ECPAS: variants seen among roughly 807,000 people sequenced by gnomAD.
ECPAS encodes the protein proteasome adapter and scaffold protein ECM29.
A neutral mutation model predicts 255.1 loss-of-function variants in ECPAS; 70 were observed. The observed-to-expected ratio is 0.27, with a 90% confidence interval of 0.23 to 0.33. The LOEUF is 0.33. Ranked by LOEUF, ECPAS falls within the 10% of genes least tolerant of loss-of-function variation. The pLI is 1.00. For synonymous variants in ECPAS, 784 were observed against 775.0 expected (o/e 1.01, Z -0.19); for missense variants, 1,817 against 2,206.4 (o/e 0.82, Z 3.54).
In ECPAS at chr9:111,377,992, A is replaced by C. The variant is rs1263855924; in HGVS notation, c.3954+588T>G. Among the ~76,000 whole-genome samples the C allele has an allele frequency of 3.3e-5, 5 of 151,936 alleles. No individual in the cohort carries two copies. In the East Asian group the frequency reaches 9.7e-4, roughly 29 times the overall value. ...AAACCCTGTCTCTACTAAAAATACA[A>C]AAAATCAGCTGGGTGTGGTGGCGCT... On this transcript the variant is annotated intron_variant, in intron 36 of 49. Coordinates refer to ENST00000684092, the MANE Select transcript of ECPAS (RefSeq NM_001364929.1).
rs1026133951 is a variant in ECPAS at position 111,444,577 on chromosome 9, T to C, written c.154-83A>G. Reference sequence around the variant, plus strand: ...CTTAAAATTCATTTATCAGATGTTATCTATGTTAGTGAATAGTAGCTACTT... The same window carrying C: ...CTTAAAATTCATTTATCAGATGTTACCTATGTTAGTGAATAGTAGCTACTT... On this transcript the variant is annotated intron_variant, in intron 3 of 49. Coordinates refer to ENST00000684092, the MANE Select transcript of ECPAS (RefSeq NM_001364929.1). The C allele has an allele frequency of 6.2e-5, 56 of 904,550 alleles. 1 individual carries two copies. In the Admixed American group the frequency reaches 1.2e-3, roughly 20 times the overall value. The allele number at this position is 904,550 out of a possible 1,614,324, so 56.0% of individuals were successfully genotyped here. A position where few individuals can be genotyped will look rare whatever the true frequency, so the allele number is the denominator to read the frequency against.
intron 2 of ECPAS, among the ~76,000 whole-genome samples, chr9:111,472,325 T>C (rs1306349122): frequency 1.3e-5 from 2 of 152,080 alleles, no homozygotes; most frequent in African/African-American, 2.4e-5. Flanking sequence ...CTTTTTGTGA[T>C]TGTGGCACAC....
At chr9:111,389,779 T>A in intron 30 of ECPAS, 56 bp from the exon 31 acceptor site, 6 of 1,512,860 alleles carry the variant, frequency 4.0e-6, no homozygotes, top group Non-Finnish European at 5.3e-6. Flanking sequence ...AATATTAACA[T>A]AGCAAAAAAT....
At chr9:111,468,825 G>A (rs2132062470) in intron 2 of ECPAS, among the ~76,000 whole-genome samples, 1 of 151,964 alleles carries the variant, frequency 6.6e-6, no homozygotes, top group African/African-American at 2.4e-5. Context: ...GTAGGGAAGA[G>A]AATGGACTCT....
chr9:111,372,790 G>C (rs1364582214), intron 41 of ECPAS, among the ~76,000 whole-genome samples, 170 bp from the exon 42 acceptor site: 2 of 152,192 alleles, frequency 1.3e-5, no homozygotes, highest in Non-Finnish European at 2.9e-5. Context: ...CCAGCACTTT[G>C]AGAGGCCAAG....
chr9:111,479,751 T>G (rs554367051), intron 1 of ECPAS, among the ~76,000 whole-genome samples: 126 of 150,584 alleles, frequency 8.4e-4, no homozygotes, highest in African/African-American at 2.4e-3. Flanking sequence ...GAGGCTGAGG[T>G]GGGGGGATCA....
chr9:111,391,884 C>T (rs1046975201), intron 28 of ECPAS, 60 bp from the exon 29 acceptor site: 1 of 1,025,656 alleles, frequency 9.7e-7, no homozygotes, highest in Non-Finnish European at 1.5e-6. Flanking sequence ...TTCAACTAGC[C>T]AATACGATTC....
rs2098130695 is a variant in ECPAS at position 111,374,143 on chromosome 9, GCCTAATA to G, written c.4111-112_4111-106del. 3.8e-6 allele frequency: 3 copies of G among 797,566 alleles called. No homozygotes were observed. The Admixed American group carries it at 5.7e-5, about 15-fold the overall frequency. 49.4% of individuals were successfully genotyped at this position (797,566 alleles called of 1,614,324 possible). A position where few individuals can be genotyped will look rare whatever the true frequency, so the allele number is the denominator to read the frequency against. ...AATTTAAACATATAAAATACATGAA[GCCTAATA>G]CCCCCTCCAGGACTCAATATAGAAA... On this transcript the variant is annotated intron_variant, in intron 38 of 49. Transcript: ENST00000684092.
In ECPAS at chr9:111,425,420, C is replaced by A; in HGVS notation, c.1213G>T (p.Glu405Ter). 6.3e-7 allele frequency: 1 copy of A among 1,577,974 alleles called. No homozygotes were observed. Among genetic ancestry groups the A allele is most frequent in the African/African-American group, 1.4e-5 (1 of 73,626 alleles). ...AATTTAAAAGACAAGTCACTTACCT[C>A]TTTGTATTCATTGATTAGCTTGGTG... ...GLTKLINEYK[E>*]DPKLLSMAYS... Residue 405 changes from glutamate to a stop codon, truncating the protein, a stop_gained and splice_region_variant, in exon 12 of 50, where the codon GAG (glutamate) becomes TAG (stop). Transcript: ENST00000684092. LOFTEE classifies it high-confidence loss of function.
intron 37 of ECPAS, 53 bp downstream of exon 37, chr9:111,376,423 T>C (rs1035033991): frequency 7.1e-7 from 1 of 1,399,980 alleles, no homozygotes; most frequent in Non-Finnish European, 9.9e-7. Flanking sequence ...CTTTGAAGAA[T>C]TACACTTTCA....
At chr9:111,379,214 T>A (rs368443557) in intron 35 of ECPAS, among the ~76,000 whole-genome samples, 1 of 152,196 alleles carries the variant, frequency 6.6e-6, no homozygotes, top group African/African-American at 2.4e-5. Flanking sequence ...TGTCCAGCAG[T>A]AGTCCCATAA....
Position 111,484,143 on chromosome 9 carries a change from G to A in ECPAS, c.-110C>T, listed in dbSNP as rs1032439291. Reference sequence around the variant, plus strand: ...GAGTCGGAGCCGGTCTCCATGCCGCGGACGCTGCGCTCGGCGCCGCGAGGT... The same window carrying A: ...GAGTCGGAGCCGGTCTCCATGCCGCAGACGCTGCGCTCGGCGCCGCGAGGT... On this transcript the variant is annotated 5_prime_UTR_variant, in exon 1 of 50. Transcript: ENST00000684092. 7 of 1,464,512 alleles carry A rather than the reference G, an allele frequency of 4.8e-6. No individual in the cohort carries two copies. In the African/African-American group the frequency reaches 5.9e-5, roughly 12 times the overall value. The allele number at this position is 1,464,512 out of a possible 1,614,324, so 90.7% of individuals were successfully genotyped here.
At chr9:111,383,135 A>G (rs1465981690) in intron 35 of ECPAS, 76 bp downstream of exon 35, 2 of 1,555,114 alleles carry the variant, frequency 1.3e-6, no homozygotes, top group Non-Finnish European at 1.8e-6. Context: ...TATTTTCCAG[A>G]ATCTAACCTT....
At chr9:111,410,344 C>T in intron 22 of ECPAS, 131 bp from the exon 23 acceptor site, 2 of 659,218 alleles carry the variant, frequency 3.0e-6, no homozygotes, top group Non-Finnish European at 5.0e-6. Context: ...TTCTAGTTGA[C>T]AATTTGCCAA....
intron 46 of ECPAS, among the ~76,000 whole-genome samples, chr9:111,367,870 A>G (rs1164073084): frequency 6.6e-6 from 1 of 151,900 alleles, no homozygotes; most frequent in East Asian, 1.9e-4. Flanking sequence ...CAACATAGCA[A>G]GACCTCACCT....
At chr9:111,442,280 A>T (rs763550186) in intron 5 of ECPAS, 26 bp downstream of exon 5, 1 of 1,456,088 alleles carries the variant, frequency 6.9e-7, no homozygotes, top group South Asian at 1.2e-5. Flanking sequence ...TGTAGGAGGG[A>T]AATTAGTTAA....
chr9:111,403,205 A>T (rs983204669), intron 24 of ECPAS, among the ~76,000 whole-genome samples: 1 of 151,494 alleles, frequency 6.6e-6, no homozygotes, highest in Non-Finnish European at 1.5e-5. Flanking sequence ...AAAAAAAAAA[A>T]AAAAATTAGC....
chr9:111,434,370 G>A (rs2098234556), intron 7 of ECPAS, among the ~76,000 whole-genome samples: 1 of 152,106 alleles, frequency 6.6e-6, no homozygotes, highest in African/African-American at 2.4e-5. Flanking sequence ...CCATCAATAG[G>A]AGACTGGTTA....
chr9:111,405,992 A>C (rs973301997), intron 24 of ECPAS, among the ~76,000 whole-genome samples: 1 of 149,740 alleles, frequency 6.7e-6, no homozygotes, highest in Admixed American at 6.6e-5. Flanking sequence ...CTATCATATA[A>C]CCCAGCAATC....
Sources: gnomAD v4.1 joint callset for allele counts (sites outside exome capture counted in the v4.1 genomes callset) on GRCh38, gnomAD v4.1.1 for gene constraint, MANE v1.5 for transcripts, NCBI Gene and HGNC (gene_info 2026-07-23, HGNC 2026-07-21) for gene names.